NF1: variants seen among roughly 807,000 people sequenced by gnomAD.
NF1 encodes the protein neurofibromin.
In NF1, 122 loss-of-function variants were observed where a neutral mutation model predicts 325.7. The observed-to-expected ratio is 0.37, with a 90% CI of 0.32 to 0.44. NF1 has a LOEUF of 0.44. Among genes scored for constraint, NF1 ranks in the 20% least tolerant of loss-of-function variants. The pLI, the probability that NF1 is intolerant of heterozygous loss-of-function variation, is 1.00. For synonymous variants in NF1, 1,091 were observed against 1,186.0 expected (o/e 0.92, Z 1.65); for missense variants, 2,140 against 3,415.4 (o/e 0.63, Z 9.31).
intron 5 of NF1, among the ~76,000 whole-genome samples, chr17:31,170,748 A>G (rs2143713241): frequency 6.6e-6 from 1 of 152,330 alleles, no homozygotes; most frequent in South Asian, 2.1e-4. Flanking sequence ...AGGAATTGAG[A>G]TAAATTCTGT....
At chr17:31,145,176 A>G (rs1916502249) in intron 1 of NF1, among the ~76,000 whole-genome samples, 1 of 152,070 alleles carries the variant, frequency 6.6e-6, no homozygotes, top group Non-Finnish European at 1.5e-5. Flanking sequence ...AGATCTTTGC[A>G]TGGGTCTTCC....
At chr17:31,252,160 C>G (rs1202505965) in intron 30 of NF1, 4 of 173,970 alleles carry the variant, frequency 2.3e-5, no homozygotes, top group East Asian at 1.8e-4. Context: ...GATAAATGGT[C>G]AACTGTAATA....
At chr17:31,208,633 G>A (rs530412652) in intron 12 of NF1, among the ~76,000 whole-genome samples, 2 of 152,292 alleles carry the variant, frequency 1.3e-5, no homozygotes, top group African/African-American at 2.4e-5. Flanking sequence ...GCTAACGTCT[G>A]TAATCCCAGC....
At chr17:31,358,017 T>G in intron 54 of NF1, 1 of 180,806 alleles carries the variant, frequency 5.5e-6, no homozygotes, top group Admixed American at 5.6e-5. Flanking sequence ...GCTTTCCCTA[T>G]TTGATCTGAC....
chr17:31,136,327 T>TTAAAA (rs1597602843), intron 1 of NF1: 1 of 30,842 alleles, frequency 3.2e-5, no homozygotes. Flanking sequence ...AGACTCTGTC[T>TTAAAA]CAAAAAAAAA....
chr17:31,327,961 G>A (rs2069390681), intron 38 of NF1, 122 bp downstream of exon 38: 1 of 918,246 alleles, frequency 1.1e-6, no homozygotes, highest in Non-Finnish European at 1.7e-6. Context: ...ATGCAGTGTT[G>A]GTTAACCACT....
intron 29 of NF1, among the ~76,000 whole-genome samples, chr17:31,239,756 T>C (rs1357578512): frequency 2.0e-5 from 3 of 152,090 alleles, no homozygotes; most frequent in East Asian, 1.9e-4. Context: ...ACCTCAAGCA[T>C]TGATCCTTTC....
chr17:31,349,232 G>A lies in NF1; in HGVS notation c.7302G>A (p.Gln2434=), dbSNP rs766714610. Reference sequence around the variant, plus strand: ...GTGACAAATTTGAAGTGAATACACAGAGCGTGGCCTACTTAGCAGGTAAAA... The same window carrying A: ...GTGACAAATTTGAAGTGAATACACAAAGCGTGGCCTACTTAGCAGGTAAAA... ...RNCDKFEVNT[Q]SVAYLAALLT... Residue 2434 remains glutamine (Q), a synonymous_variant, in exon 49 of 58, where the codon CAG becomes CAA. Coordinates refer to ENST00000358273, the MANE Select transcript of NF1 (RefSeq NM_001042492.3). The A allele has an allele frequency of 6.2e-7, 1 of 1,613,228 alleles. No homozygotes were observed. The highest frequency in any genetic ancestry group is 8.5e-7 in the Non-Finnish European group (1 of 1,179,770).
At chr17:31,129,305 A>G (rs1316013829) in intron 1 of NF1, among the ~76,000 whole-genome samples, 1 of 151,560 alleles carries the variant, frequency 6.6e-6, no homozygotes, top group Admixed American at 6.6e-5. Context: ...ATATAATTTC[A>G]TATTTCTTGG....
intron 1 of NF1, among the ~76,000 whole-genome samples, chr17:31,118,257 G>A (rs1292947628): frequency 2.0e-5 from 3 of 150,648 alleles, no homozygotes; most frequent in Non-Finnish European, 4.4e-5. Flanking sequence ...AATGTTGTAG[G>A]ATCTTTAGGG....
At chr17:31,320,345 A>C in intron 36 of NF1, 1 of 998,970 alleles carries the variant, frequency 1.0e-6, no homozygotes, top group Admixed American at 3.6e-5. Context: ...CTTTTATTTA[A>C]AAAAAAAAAA....
In NF1 at chr17:31,105,535, A is replaced by G. The variant is rs1912780865; in HGVS notation, c.60+10166A>G. 4.0e-5 allele frequency among the ~76,000 whole-genome samples: 6 copies of G among 149,450 alleles called. No homozygotes were observed. The South Asian group carries it at 1.3e-3, about 32-fold the overall frequency. On this transcript the variant is annotated intron_variant, in intron 1 of 57. Transcript: ENST00000358273. The stretch of plus-strand genomic sequence containing the variant: ...CTTCAGATAACTTTTTTTTTTTGAG[A>G]TGGAGTTTTGCTCTTGTTGCCCAGG...
intron 13 of NF1, among the ~76,000 whole-genome samples, chr17:31,218,387 CAAA>C (rs1327693868): frequency 6.6e-6 from 1 of 152,008 alleles, no homozygotes; most frequent in East Asian, 1.9e-4. Flanking sequence ...GAATCCCTAA[CAAA>C]AGAAGTTTTG....
chr17:31,144,133 T>C (rs1305913599), intron 1 of NF1, among the ~76,000 whole-genome samples: 1 of 152,100 alleles, frequency 6.6e-6, no homozygotes, highest in Non-Finnish European at 1.5e-5. Flanking sequence ...TTGTTCTTGT[T>C]TTTCAAAAAT....
intron 20 of NF1, among the ~76,000 whole-genome samples, chr17:31,228,710 C>T (rs2067058794): frequency 6.6e-6 from 1 of 151,894 alleles, no homozygotes; most frequent in Admixed American, 6.6e-5. Flanking sequence ...CGGATATATT[C>T]TGTAAATGGA....
At chr17:31,125,522 A>T (rs1417451987) in intron 1 of NF1, among the ~76,000 whole-genome samples, 2 of 151,798 alleles carry the variant, frequency 1.3e-5, no homozygotes, top group Admixed American at 1.3e-4. Flanking sequence ...AATTTTTCTA[A>T]TTTTTAAAAA....
chr17:31,144,268 GCTTAA>G (rs1309696649), intron 1 of NF1, among the ~76,000 whole-genome samples: 7 of 152,024 alleles, frequency 4.6e-5, no homozygotes, highest in Admixed American at 6.6e-5. Flanking sequence ...ATTCATATTA[GCTTAA>G]CTTAAGCTAC....
intron 1 of NF1, among the ~76,000 whole-genome samples, chr17:31,154,880 C>T (rs2143617095): frequency 6.6e-6 from 1 of 151,988 alleles, no homozygotes; most frequent in East Asian, 1.9e-4. Flanking sequence ...GCTTGGATTA[C>T]AGGCACGTGG....
At chr17:31,318,087 A>G (rs1168728318) in intron 36 of NF1, 22 of 510,362 alleles carry the variant, frequency 4.3e-5, no homozygotes, top group Non-Finnish European at 5.6e-5. Context: ...TAGTTATTTT[A>G]TTATTTGCTT....
Sources: gnomAD v4.1 joint callset for allele counts (sites outside exome capture counted in the v4.1 genomes callset) on GRCh38, gnomAD v4.1.1 for gene constraint, MANE v1.5 for transcripts, NCBI Gene and HGNC (gene_info 2026-07-23, HGNC 2026-07-21) for gene names.